FGF12: variants seen among roughly 807,000 people sequenced by gnomAD.
The protein encoded by FGF12 is fibroblast growth factor 12B.
FGF12 carries 14 observed loss-of-function variants against 23.6 expected under a neutral mutation model. The observed-to-expected ratio is 0.59, with a 90% confidence interval of 0.39 to 0.93. The LOEUF (loss-of-function observed/expected upper bound fraction) is 0.93, where lower values mean the gene tolerates loss of function less well. Among genes scored for constraint, FGF12 ranks in the 40% least tolerant of loss-of-function variants. The pLI, the probability that FGF12 is intolerant of heterozygous loss-of-function variation, is 0.00. For missense variants in FGF12, 175 were observed against 217.8 expected, an observed-to-expected ratio of 0.80 and a Z score of 1.24; for synonymous variants, 62 against 77.3, an observed-to-expected ratio of 0.80 and a Z score of 1.04.
intron 2 of FGF12, among the ~76,000 whole-genome samples, chr3:192,361,169 C>CA (rs10651290): frequency 0.75 from 74,270 of 99,052 alleles, 29,456 homozygotes; most frequent in Non-Finnish European, 0.86. Flanking sequence ...TTCTCCAGTA[C>CA]AAAAAAAAAA....
At chr3:192,159,372 C>T (rs1301484679) in intron 5 of FGF12, among the ~76,000 whole-genome samples, 1 of 152,196 alleles carries the variant, frequency 6.6e-6, no homozygotes, top group Non-Finnish European at 1.5e-5. Flanking sequence ...GCTTCTTGAA[C>T]ATCAATCAAA....
chr3:192,477,750 T>C (rs1186194413), intron 2 of FGF12, among the ~76,000 whole-genome samples: 3 of 152,162 alleles, frequency 2.0e-5, no homozygotes, highest in African/African-American at 7.2e-5. Flanking sequence ...AAATTGCATA[T>C]GGTTGATTTA....
chr3:192,612,257 G>T (rs1714575612), intron 2 of FGF12, among the ~76,000 whole-genome samples: 1 of 151,836 alleles, frequency 6.6e-6, no homozygotes, highest in Admixed American at 6.6e-5. Flanking sequence ...TATCTACCTG[G>T]ATTTTTTTTA....
chr3:192,507,334 T>TACACACAC (rs35433581), intron 2 of FGF12, among the ~76,000 whole-genome samples: 29 of 144,728 alleles, frequency 2.0e-4, no homozygotes, highest in South Asian at 6.8e-4. Context: ...TTTGACCAAA[T>TACACACAC]ACACACACAC....
intron 4 of FGF12, among the ~76,000 whole-genome samples, chr3:192,308,268 A>G (rs1434945111): frequency 6.6e-6 from 1 of 152,236 alleles, no homozygotes; most frequent in Non-Finnish European, 1.5e-5. Flanking sequence ...ATCACATTTA[A>G]CCTCAGTATT....
intron 4 of FGF12, among the ~76,000 whole-genome samples, chr3:192,191,141 G>T (rs1164671494): frequency 6.6e-6 from 1 of 152,168 alleles, no homozygotes; most frequent in Non-Finnish European, 1.5e-5. Context: ...ATATGGAGAA[G>T]TATTTTCATA....
chr3:192,165,483 C>T (rs1360074121), intron 5 of FGF12, among the ~76,000 whole-genome samples: 2 of 150,948 alleles, frequency 1.3e-5, no homozygotes, highest in Non-Finnish European at 2.9e-5. Flanking sequence ...CACACAATGT[C>T]ATTGCCAAAG....
At chr3:192,566,312 G>A (rs1419307293) in intron 2 of FGF12, among the ~76,000 whole-genome samples, 2 of 152,146 alleles carry the variant, frequency 1.3e-5, no homozygotes, top group Non-Finnish European at 2.9e-5. Flanking sequence ...AGTGCTTCAT[G>A]AAAATCATTC....
intron 2 of FGF12, among the ~76,000 whole-genome samples, chr3:192,678,407 C>A (rs1415663057): frequency 6.6e-6 from 1 of 152,188 alleles, no homozygotes. Flanking sequence ...TTTTTTCTCT[C>A]CAACTCTGAA....
At chr3:192,631,499 T>G (rs1272286022) in intron 2 of FGF12, among the ~76,000 whole-genome samples, 2 of 152,264 alleles carry the variant, frequency 1.3e-5, no homozygotes, top group Non-Finnish European at 2.9e-5. Context: ...ATAATTTTCC[T>G]AACTCCTTGT....
At chr3:192,377,770 G>A (rs539999335) in intron 2 of FGF12, among the ~76,000 whole-genome samples, 30 of 152,192 alleles carry the variant, frequency 2.0e-4, no homozygotes, top group African/African-American at 7.2e-4. Context: ...ACAATAGGCA[G>A]CTTATTAGTT....
At chr3:192,695,118 C>T (rs1718073030) in intron 2 of FGF12, among the ~76,000 whole-genome samples, 2 of 152,050 alleles carry the variant, frequency 1.3e-5, no homozygotes, top group Admixed American at 6.6e-5. Context: ...ATCAAAACAT[C>T]ATGTAACCTT....
chr3:192,486,902 T>C (rs556084248), intron 2 of FGF12, among the ~76,000 whole-genome samples: 3 of 152,260 alleles, frequency 2.0e-5, no homozygotes, highest in South Asian at 4.1e-4. Flanking sequence ...TTTACAAGTG[T>C]GTTTTATATG....
chr3:192,660,399 T>C (rs916676717), intron 2 of FGF12, among the ~76,000 whole-genome samples: 3 of 146,232 alleles, frequency 2.1e-5, no homozygotes, highest in Non-Finnish European at 3.0e-5. Flanking sequence ...TTAGGAGATA[T>C]ACCTCATGTT....
At chr3:192,509,595 G>A (rs920757446) in intron 2 of FGF12, among the ~76,000 whole-genome samples, 7 of 152,168 alleles carry the variant, frequency 4.6e-5, no homozygotes, top group Non-Finnish European at 8.8e-5. Context: ...AACTTTGAAA[G>A]AATAATCTCA....
chr3:192,181,556 C>T (rs569885707), intron 4 of FGF12, among the ~76,000 whole-genome samples: 1 of 151,868 alleles, frequency 6.6e-6, no homozygotes, highest in Admixed American at 6.6e-5. Flanking sequence ...CACGATGTAA[C>T]TCATGGTCAG....
intron 4 of FGF12, among the ~76,000 whole-genome samples, chr3:192,286,580 A>G (rs1395132905): frequency 6.6e-6 from 1 of 152,076 alleles, no homozygotes. Flanking sequence ...GAAATGTTAA[A>G]TCGTCTCCCA....
At chr3:192,464,573 T>C (rs879161630) in intron 2 of FGF12, among the ~76,000 whole-genome samples, 2 of 151,396 alleles carry the variant, frequency 1.3e-5, no homozygotes, top group South Asian at 4.2e-4. Flanking sequence ...CACTCATTGA[T>C]TGATGGGCAT....
intron 2 of FGF12, among the ~76,000 whole-genome samples, chr3:192,490,606 C>A (rs1301376305): frequency 2.0e-5 from 3 of 151,904 alleles, no homozygotes; most frequent in African/African-American, 7.2e-5. Flanking sequence ...AGAGATTGAT[C>A]ATAGAAAACA....
Sources: allele counts gnomAD v4.1 joint callset (sites outside exome capture counted in the v4.1 genomes callset), GRCh38; gene constraint gnomAD v4.1.1; transcripts MANE v1.5; gene names NCBI Gene and HGNC (gene_info 2026-07-23, HGNC 2026-07-21).